The following SATB2 variants were observed in gnomAD, a reference collection of about 807,000 sequenced individuals.
SATB2 encodes SATB homeobox 2.
A neutral mutation model predicts 73.4 loss-of-function variants in SATB2; 1 was observed. The observed-to-expected ratio is 0.01, with a 90% CI of 0.00 to 0.06. SATB2 has a LOEUF of 0.06. Ranked by LOEUF, SATB2 falls within the 10% of genes least tolerant of loss-of-function variation. The pLI is 1.00. For missense variants in SATB2, 459 were observed against 945.8 expected (o/e 0.49, Z 6.75); for synonymous variants, 397 against 367.0 (o/e 1.08, Z -0.93).
At chr2:199,415,899 C>T (rs539033651) in intron 3 of SATB2, among the ~76,000 whole-genome samples, 19 of 152,320 alleles carry the variant, frequency 1.2e-4, no homozygotes, top group African/African-American at 4.6e-4. Flanking sequence ...TGTGAGCTGT[C>T]CTTCTCTGTA....
chr2:199,409,519 T>C (rs1165559996), intron 3 of SATB2, among the ~76,000 whole-genome samples: 2 of 152,236 alleles, frequency 1.3e-5, no homozygotes, highest in African/African-American at 4.8e-5. Context: ...AGATATTGCA[T>C]AGTTAATACG....
At chr2:199,355,956 G>A (rs1156306508) in intron 6 of SATB2, among the ~76,000 whole-genome samples, 5 of 151,970 alleles carry the variant, frequency 3.3e-5, no homozygotes, top group African/African-American at 9.7e-5. Context: ...GTATTTTCAC[G>A]CTGTAAACCT....
chr2:199,396,605 G>C (rs528207962), intron 3 of SATB2: 6 of 152,150 alleles, frequency 3.9e-5, no homozygotes, highest in Non-Finnish European at 5.9e-5. Flanking sequence ...GCCAAGTGAG[G>C]ATGGAGGAAA....
intron 2 of SATB2, among the ~76,000 whole-genome samples, chr2:199,450,032 T>TA (rs1186216753): frequency 3.3e-5 from 5 of 152,150 alleles, no homozygotes; most frequent in Non-Finnish European, 5.9e-5. Flanking sequence ...AATAATGAGT[T>TA]AAAATGTATG....
chr2:199,467,599 AT>A (rs1485873036), upstream of SATB2: 1 of 152,212 alleles, frequency 6.6e-6, no homozygotes, highest in Non-Finnish European at 1.5e-5. Flanking sequence ...GTCGGCAGGA[AT>A]TCCCTCCCTC....
chr2:199,428,478 C>T (rs1233852989), intron 3 of SATB2, among the ~76,000 whole-genome samples: 2 of 152,128 alleles, frequency 1.3e-5, no homozygotes, highest in Middle Eastern at 3.2e-3. Flanking sequence ...GTTCACAGGA[C>T]GGCTGTGTGG....
upstream of SATB2, chr2:199,469,839 G>A (rs1380273293): frequency 6.6e-6 from 1 of 152,596 alleles, no homozygotes; most frequent in East Asian, 1.9e-4. Flanking sequence ...CTTAGTCGAT[G>A]TTCACACCTA....
Position 199,272,367 on chromosome 2 carries a change from G to A in SATB2, c.2046C>T (p.Ser682=), listed in dbSNP as rs1378818036. ...HHGKLKEHLG[S]AVDVAEYKDE... Reference sequence around the variant, plus strand: ...CCTTATATTCAGCCACGTCCACCGCGGAGCCCAGGTGCTCTTTCAGCTTCC... The same window carrying A: ...CCTTATATTCAGCCACGTCCACCGCAGAGCCCAGGTGCTCTTTCAGCTTCC... Residue 682 remains serine, a synonymous_variant, in exon 11 of 11, where the codon TCC becomes TCT. Coordinates refer to ENST00000417098, the MANE Select transcript of SATB2 (RefSeq NM_001172509.2). The surrounding 1 kb of genome is among the most constrained non-coding windows in gnomAD (Gnocchi z 6.7). 2.4e-5 allele frequency: 38 copies of A among 1,614,038 alleles called. No individual in the cohort carries two copies. Among genetic ancestry groups the A allele is most frequent in the Middle Eastern group, 1.6e-4 (1 of 6,084 alleles).
At chr2:199,398,681 T>C (rs775522754) in intron 3 of SATB2, among the ~76,000 whole-genome samples, 13 of 152,318 alleles carry the variant, frequency 8.5e-5, no homozygotes, top group Non-Finnish European at 7.3e-5. Context: ...TGAATTTGGG[T>C]TCTCTATAAG....
intron 7 of SATB2, among the ~76,000 whole-genome samples, chr2:199,338,082 G>A (rs1384902251): frequency 6.6e-6 from 1 of 151,934 alleles, no homozygotes; most frequent in African/African-American, 2.4e-5. Flanking sequence ...TGCAAGTTTC[G>A]GCCGGATGTG....
intron 10 of SATB2, among the ~76,000 whole-genome samples, chr2:199,286,624 C>A (rs568880532): frequency 5.9e-5 from 9 of 152,118 alleles, no homozygotes; most frequent in Non-Finnish European, 1.3e-4. Context: ...GCCTGACATC[C>A]ATAAGCACTA....
Position 199,377,911 on chromosome 2 carries a change from A to G in SATB2, c.597+2453T>C, listed in dbSNP as rs563733916. Among the ~76,000 whole-genome samples the G allele has an allele frequency of 2.0e-5, 3 of 152,302 alleles. No individual in the cohort carries two copies. In the East Asian group the frequency reaches 5.8e-4, roughly 29 times the overall value. On this transcript the variant is annotated intron_variant, in intron 5 of 10. Coordinates refer to ENST00000417098, the MANE Select transcript of SATB2 (RefSeq NM_001172509.2). ...AAGAAACTGTTTAGGTCAGACAACT[A>G]CGTGAGCAAACCATGAGAGCAGAGA...
chr2:199,381,933 G>T (rs1689791520), intron 3 of SATB2, 113 bp from the exon 4 acceptor site: 1 of 1,216,208 alleles, frequency 8.2e-7, no homozygotes. Context: ...GGCCCACTCA[G>T]ATATTTTACA....
At chr2:199,414,008 C>A (rs563644103) in intron 3 of SATB2, among the ~76,000 whole-genome samples, 11 of 152,308 alleles carry the variant, frequency 7.2e-5, no homozygotes, top group African/African-American at 2.6e-4. Flanking sequence ...ATATTCCTAA[C>A]ATGTCACTCC....
rs181749200 is a variant in SATB2, at chr2:199,282,103, G to A, written c.1741-9431C>T. Reference sequence around the variant, plus strand: ...TCACCATGTTAGCCAGGATGGTCTCGATCTCCTGACCTCGTGATCCGCCCA... The same window carrying A: ...TCACCATGTTAGCCAGGATGGTCTCAATCTCCTGACCTCGTGATCCGCCCA... On this transcript the variant is annotated intron_variant, in intron 10 of 10. Transcript: ENST00000417098. Among the ~76,000 whole-genome samples, 453 of 152,074 alleles carry A rather than the reference G, an allele frequency of 3.0e-3. 1 individual carries two copies. The highest frequency in any genetic ancestry group is 0.01 in the African/African-American group (426 of 41,462).
At chr2:199,442,427 A>T (rs1388545721) in intron 2 of SATB2, among the ~76,000 whole-genome samples, 1 of 152,220 alleles carries the variant, frequency 6.6e-6, no homozygotes, top group Non-Finnish European at 1.5e-5. Context: ...GGCATGCTGC[A>T]CCATGCTCTG....
intron 2 of SATB2, among the ~76,000 whole-genome samples, chr2:199,454,480 A>G (rs1258617594): frequency 1.3e-5 from 2 of 152,166 alleles, no homozygotes; most frequent in African/African-American, 2.4e-5. Context: ...TTGCTCCAGT[A>G]TCAGGACAAC....
intron 3 of SATB2, among the ~76,000 whole-genome samples, chr2:199,421,008 CCTCT>C (rs1449702432): frequency 6.6e-6 from 1 of 152,084 alleles, no homozygotes; most frequent in Admixed American, 6.6e-5. Context: ...AACAAATACT[CCTCT>C]CTATCTTGGG....
At position 199,447,891 on chromosome 2, in the gene SATB2, T is replaced by C. The variant is rs193177108; in HGVS notation, c.169+7978A>G. Among the ~76,000 whole-genome samples, 2 of 134,578 alleles carry C rather than the reference T, an allele frequency of 1.5e-5. 1 individual carries two copies. The highest frequency in any genetic ancestry group is 5.0e-5 in the African/African-American group (2 of 40,262). 88.3% of individuals were successfully genotyped at this position (134,578 alleles called of 152,430 possible). A position where few individuals can be genotyped will look rare whatever the true frequency, so the allele number is the denominator to read the frequency against. ...ATTTTTCTTAATGATGTTTTTATTA[T>C]TCTTTCACTCAATTAAAGCAGAAAT... On this transcript the variant is annotated intron_variant, in intron 2 of 10. Coordinates refer to ENST00000417098, the MANE Select transcript of SATB2 (RefSeq NM_001172509.2).
Sources: allele counts gnomAD v4.1 joint callset (sites outside exome capture counted in the v4.1 genomes callset), GRCh38; gene constraint gnomAD v4.1.1; non-coding constraint Gnocchi (gnomAD v3.1); transcripts MANE v1.5; gene names NCBI Gene and HGNC (gene_info 2026-07-23, HGNC 2026-07-21).